Variants in CCDC7 observed in about 807,000 individuals in gnomAD.
The protein encoded by CCDC7 is coiled-coil domain-containing protein 7.
Under a neutral mutation model 196.9 loss-of-function variants are expected in CCDC7, and 183 were observed. That is an observed-to-expected ratio of 0.93 (90% CI 0.82 to 1.05). CCDC7 has a LOEUF of 1.05. Ranked by LOEUF, CCDC7 falls within the 50% of genes least tolerant of loss-of-function variation. The probability of loss-of-function intolerance (pLI) is 0.00; values close to 1 mark genes in which losing one functional copy is unlikely to be tolerated. For synonymous variants in CCDC7, 525 were observed against 484.6 expected (o/e 1.08, Z -1.10); for missense variants, 1,540 against 1,482.2 (o/e 1.04, Z -0.64).
At chr10:32,773,517 C>A (rs1342244328) in intron 28 of CCDC7, among the ~76,000 whole-genome samples, 4 of 151,798 alleles carry the variant, frequency 2.6e-5, no homozygotes, top group Admixed American at 1.3e-4. Context: ...TCTCTTTGGT[C>A]TTAAAAAATT....
intron 28 of CCDC7, among the ~76,000 whole-genome samples, chr10:32,751,847 A>G (rs2075709146): frequency 6.6e-6 from 1 of 152,186 alleles, no homozygotes. Flanking sequence ...ATACTATGGC[A>G]GTCGAAAAGA....
intron 29 of CCDC7, among the ~76,000 whole-genome samples, chr10:32,796,650 A>T (rs2134829544): frequency 6.6e-6 from 1 of 152,290 alleles, no homozygotes; most frequent in East Asian, 1.9e-4. Context: ...CAGTTTCTCA[A>T]ATGTTTTATA....
At chr10:32,470,474 G>A (rs186169380) in intron 5 of CCDC7, among the ~76,000 whole-genome samples, 46 of 152,158 alleles carry the variant, frequency 3.0e-4, no homozygotes, top group African/African-American at 1.1e-3. Flanking sequence ...TTATTACCTA[G>A]AATAGTAATT....
intron 21 of CCDC7, among the ~76,000 whole-genome samples, chr10:32,676,654 T>C (rs897631885): frequency 2.0e-5 from 3 of 151,778 alleles, no homozygotes; most frequent in African/African-American, 7.3e-5. Context: ...GAAATGCAAA[T>C]CAAAACCACA....
At position 32,695,011 on chromosome 10, in the gene CCDC7, G is replaced by C. The variant is rs1175219742; in HGVS notation, c.2458+19G>C. On this transcript the variant is annotated intron_variant, in intron 24 of 41. Coordinates refer to ENST00000639629, the Ensembl canonical transcript of CCDC7. ...CATAGTAGTAAGTATAATAATTATA[G>C]ATAACTTAAAAATTTTAAAGTTAAT... 10 of 1,352,902 alleles carry C rather than the reference G, an allele frequency of 7.4e-6. No individual in the cohort carries two copies. Among genetic ancestry groups the C allele is most frequent in the Non-Finnish European group, 1.0e-5 (10 of 992,584 alleles). The allele number at this position is 1,352,902 out of a possible 1,614,324, so 83.8% of individuals were successfully genotyped here.
chr10:32,563,245 A>G (rs1223114654), intron 13 of CCDC7, among the ~76,000 whole-genome samples: 1 of 152,144 alleles, frequency 6.6e-6, no homozygotes, highest in African/African-American at 2.4e-5. Context: ...TATAGATTCA[A>G]TGCCATCCCC....
chr10:32,779,199 C>CT, intron 29 of CCDC7, 115 bp downstream of exon 30: 1 of 749,514 alleles, frequency 1.3e-6, no homozygotes, highest in East Asian at 2.9e-5. Flanking sequence ...TCTTTCTCAA[C>CT]TTAAGTTCAT....
At chr10:32,461,754 T>C (rs1191444558) in intron 3 of CCDC7, among the ~76,000 whole-genome samples, 3 of 105,370 alleles carry the variant, frequency 2.8e-5, no homozygotes, top group Non-Finnish European at 4.1e-5. Flanking sequence ...TATATATACA[T>C]ATATATATAT....
intron 5 of CCDC7, among the ~76,000 whole-genome samples, 187 bp from the exon 7 acceptor site, chr10:32,470,877 A>G (rs2037805199): frequency 6.6e-6 from 1 of 152,176 alleles, no homozygotes; most frequent in South Asian, 2.1e-4. Context: ...ACTGAGCTAT[A>G]GTTCTATTCA....
At chr10:32,699,204 C>CT in intron 24 of CCDC7, among the ~76,000 whole-genome samples, 1 of 100,352 alleles carries the variant, frequency 1.0e-5, no homozygotes. Context: ...GCCCTCCCCC[C>CT]TCCCCCCACC....
intron 16 of CCDC7, among the ~76,000 whole-genome samples, chr10:32,576,308 A>G (rs2058178561): frequency 6.6e-6 from 1 of 151,790 alleles, no homozygotes; most frequent in African/African-American, 2.4e-5. Flanking sequence ...GGGTTAAAAA[A>G]AAAAAAAAAA....
Position 32,726,301 on chromosome 10 carries a change from A to G in CCDC7, c.2570-433A>G, listed in dbSNP as rs1260326727. Among the ~76,000 whole-genome samples, 5 of 152,002 alleles carry G rather than the reference A, an allele frequency of 3.3e-5. No homozygotes were observed. In the East Asian group the frequency reaches 5.8e-4, roughly 18 times the overall value. ...GTGATATGTAGAGTATTTATATCAT[A>G]TCATAATTTATAGTATATATCTTTG... On this transcript the variant is annotated intron_variant, in intron 25 of 41. Coordinates refer to ENST00000639629, the Ensembl canonical transcript of CCDC7.
intron 15 of CCDC7, 45 bp from the exon 17 acceptor site, chr10:32,571,814 T>C (rs751683945): frequency 6.7e-7 from 1 of 1,493,580 alleles, no homozygotes; most frequent in Non-Finnish European, 8.9e-7. Flanking sequence ...AAACATTTCA[T>C]ATGCATACTT....
chr10:32,453,477 A>G (rs2033613443), intron 2 of CCDC7, 41 bp downstream of exon 3: 2 of 1,302,888 alleles, frequency 1.5e-6, no homozygotes, highest in Non-Finnish European at 2.0e-6. Flanking sequence ...TTAACACTGA[A>G]AAGGGTCGAT....
At chr10:32,518,673 T>G (rs1246691383) in intron 11 of CCDC7, among the ~76,000 whole-genome samples, 168 bp downstream of exon 12, 1 of 147,940 alleles carries the variant, frequency 6.8e-6, no homozygotes, top group Non-Finnish European at 1.5e-5. Context: ...AATTATCATA[T>G]TAGGTGTCAA....
At chr10:32,454,314 C>G (rs1217899268) in intron 2 of CCDC7, among the ~76,000 whole-genome samples, 5 of 152,132 alleles carry the variant, frequency 3.3e-5, no homozygotes, top group Non-Finnish European at 2.9e-5. Flanking sequence ...CAATCCTTAT[C>G]CTGCATGACC....
At chr10:32,597,770 G>A (rs573254612) in intron 18 of CCDC7, among the ~76,000 whole-genome samples, 8 of 152,218 alleles carry the variant, frequency 5.3e-5, no homozygotes, top group Admixed American at 2.6e-4. Context: ...CGGTCTCTTG[G>A]GGTGTGCTGG....
intron 9 of CCDC7, among the ~76,000 whole-genome samples, chr10:32,496,109 A>T (rs562086768): frequency 4.6e-5 from 7 of 152,120 alleles, no homozygotes; most frequent in African/African-American, 1.7e-4. Context: ...GGTTCTTCAC[A>T]TCCCTTGTAA....
intron 24 of CCDC7, 152 bp from the exon 26 acceptor site, chr10:32,711,468 C>T (rs932760480): frequency 6.0e-6 from 3 of 500,258 alleles, no homozygotes; most frequent in African/African-American, 2.1e-5. Flanking sequence ...CTTTTCTCAC[C>T]ATTTTCATGT....
Sources: gnomAD v4.1 joint callset for allele counts (sites outside exome capture counted in the v4.1 genomes callset) on GRCh38, gnomAD v4.1.1 for gene constraint, MANE v1.5 for transcripts, NCBI Gene and HGNC (gene_info 2026-07-23, HGNC 2026-07-21) for gene names.